Variants in PRKD1 observed in about 807,000 individuals in gnomAD.
PRKD1 encodes the protein serine/threonine-protein kinase D1.
PRKD1 carries 63 observed loss-of-function variants against 95.9 expected under a neutral mutation model. The observed-to-expected ratio is 0.66, with a 90% confidence interval of 0.54 to 0.81. The LOEUF is 0.81. Among genes scored for constraint, PRKD1 ranks in the 30% least tolerant of loss-of-function variants. The pLI is 0.00. For missense variants in PRKD1, 1,048 were observed against 1,165.3 expected (o/e 0.90, Z 1.47); for synonymous variants, 425 against 423.1 (o/e 1.00, Z -0.05).
chr14:29,730,287 G>A (rs1288851841), intron 1 of PRKD1, among the ~76,000 whole-genome samples: 1 of 151,984 alleles, frequency 6.6e-6, no homozygotes, highest in Non-Finnish European at 1.5e-5. Flanking sequence ...TCACCATTCA[G>A]AGAAGTGCAA....
chr14:29,826,760 T>TATATATATACAC (rs1566622705), intron 1 of PRKD1, among the ~76,000 whole-genome samples: 1 of 39,128 alleles, frequency 2.6e-5, no homozygotes, highest in Admixed American at 3.8e-4. Flanking sequence ...TATATATACA[T>TATATATATACAC]ATATATATAC....
At chr14:29,626,610 C>A in intron 11 of PRKD1, 54 bp from the exon 12 acceptor site, 3 of 1,117,470 alleles carry the variant, frequency 2.7e-6, no homozygotes, top group East Asian at 2.6e-5. Flanking sequence ...AAACATTAGT[C>A]CTAAAAATTA....
At chr14:29,597,233 T>A (rs1467762744) in intron 16 of PRKD1, among the ~76,000 whole-genome samples, 3 of 152,144 alleles carry the variant, frequency 2.0e-5, no homozygotes, top group Admixed American at 2.0e-4. Context: ...TATTAAGGTA[T>A]AAGTATTTAT....
chr14:29,711,882 G>A (rs573163530), intron 2 of PRKD1, among the ~76,000 whole-genome samples: 1 of 152,118 alleles, frequency 6.6e-6, no homozygotes, highest in African/African-American at 2.4e-5. Context: ...ATTGTTTACT[G>A]GTCAGTTCTC....
At chr14:29,724,447 G>A (rs1364608923) in intron 2 of PRKD1, among the ~76,000 whole-genome samples, 1 of 152,082 alleles carries the variant, frequency 6.6e-6, no homozygotes, top group African/African-American at 2.4e-5. Flanking sequence ...GAGGTCAGGT[G>A]CAGGCAACAG....
intron 16 of PRKD1, among the ~76,000 whole-genome samples, chr14:29,589,584 T>C (rs992790557): frequency 6.6e-6 from 1 of 152,118 alleles, no homozygotes; most frequent in African/African-American, 2.4e-5. Flanking sequence ...GAAAAAGAAC[T>C]GTAATCCACA....
At position 29,641,038 on chromosome 14, in the gene PRKD1, T is replaced by C. The variant is rs545426165; in HGVS notation, c.697-2134A>G. Among the ~76,000 whole-genome samples, 4 of 151,994 alleles carry C rather than the reference T, an allele frequency of 2.6e-5. No individual in the cohort carries two copies. The South Asian group carries it at 6.2e-4, about 24-fold the overall frequency. On this transcript the variant is annotated intron_variant, in intron 4 of 17. Transcript: ENST00000331968. ...AACTATAATTATTTTTGAGAGGTTATTTCATTTATTACCTTCAAGGGCAAG... is the reference window on the plus strand; with the variant it reads ...AACTATAATTATTTTTGAGAGGTTACTTCATTTATTACCTTCAAGGGCAAG...
At chr14:29,696,441 A>C (rs1169743880) in intron 2 of PRKD1, among the ~76,000 whole-genome samples, 8 of 152,186 alleles carry the variant, frequency 5.3e-5, no homozygotes, top group Admixed American at 5.2e-4. Flanking sequence ...ACTAGAGCTG[A>C]TTCCTATGTT....
intron 1 of PRKD1, among the ~76,000 whole-genome samples, chr14:29,728,067 G>A (rs1214351521): frequency 6.6e-6 from 1 of 152,042 alleles, no homozygotes; most frequent in East Asian, 1.9e-4. Context: ...GCTAGATGAC[G>A]AGTTAGTGGG....
intron 1 of PRKD1, among the ~76,000 whole-genome samples, chr14:29,853,769 G>A (rs1043532185): frequency 5.3e-5 from 8 of 152,308 alleles, no homozygotes; most frequent in African/African-American, 1.9e-4. Context: ...GTTGTGGGAG[G>A]GACCTGGTGG....
intron 1 of PRKD1, among the ~76,000 whole-genome samples, chr14:29,890,234 G>T (rs1893892615): frequency 6.6e-6 from 1 of 152,120 alleles, no homozygotes; most frequent in Admixed American, 6.5e-5. Flanking sequence ...CATTTTATTT[G>T]TTTTCTCACT....
At chr14:29,837,030 T>C (rs1594564381) in intron 1 of PRKD1, among the ~76,000 whole-genome samples, 1 of 152,290 alleles carries the variant, frequency 6.6e-6, no homozygotes, top group African/African-American at 2.4e-5. Flanking sequence ...AATAATTCCA[T>C]ATACTTCCTT....
rs112483534 is a variant in PRKD1, at chr14:29,633,002, T to C, written c.1315-56A>G. The C allele has an allele frequency of 5.3e-4, 779 of 1,466,934 alleles. 3 individuals are homozygous for C. In the African/African-American group the frequency reaches 7.2e-3, roughly 14 times the overall value. The allele number at this position is 1,466,934 out of a possible 1,614,324, so 90.9% of individuals were successfully genotyped here. A position where few individuals can be genotyped will look rare whatever the true frequency, so the allele number is the denominator to read the frequency against. ...TAAAAAACTTTAAAAATATCCCCAA[T>C]TGAAAACATAAATAGATTTCCCCAA... On this transcript the variant is annotated intron_variant, in intron 8 of 17. Coordinates refer to ENST00000331968, the MANE Select transcript of PRKD1 (RefSeq NM_002742.3).
At chr14:29,725,760 T>A (rs1235045443) in intron 1 of PRKD1, 86 bp from the exon 2 acceptor site, 6 of 1,416,792 alleles carry the variant, frequency 4.2e-6, no homozygotes, top group Non-Finnish European at 5.7e-6. Context: ...AAATACAAGC[T>A]AATTAGAAAA....
chr14:29,777,470 C>CA lies in PRKD1; in HGVS notation c.265-51797dup, dbSNP rs971495951. On this transcript the variant is annotated intron_variant, in intron 1 of 17. Coordinates refer to ENST00000331968, the MANE Select transcript of PRKD1 (RefSeq NM_002742.3). ...GAAGATCTACCAAGCAAATGGAAAACAAAAAAAAGCAGGGGTTGCAATCCT... is the reference window on the plus strand; with the variant it reads ...GAAGATCTACCAAGCAAATGGAAAACAAAAAAAAAGCAGGGGTTGCAATCCT... 2.2e-4 allele frequency among the ~76,000 whole-genome samples: 33 copies of CA among 151,336 alleles called. 1 individual carries two copies. The highest frequency in any genetic ancestry group is 3.1e-4 in the Non-Finnish European group (21 of 67,750).
At chr14:29,806,085 G>C (rs1366242412) in intron 1 of PRKD1, among the ~76,000 whole-genome samples, 2 of 152,086 alleles carry the variant, frequency 1.3e-5, no homozygotes, top group Admixed American at 6.5e-5. Flanking sequence ...GCCCAGGAGA[G>C]GAAAGCAAGG....
chr14:29,903,596 T>C (rs951776776), intron 1 of PRKD1, among the ~76,000 whole-genome samples: 4 of 152,180 alleles, frequency 2.6e-5, no homozygotes, highest in African/African-American at 9.6e-5. Flanking sequence ...GAGAGTACTA[T>C]TCCAACATCC....
At chr14:29,817,849 T>C (rs1430442559) in intron 1 of PRKD1, among the ~76,000 whole-genome samples, 1 of 152,090 alleles carries the variant, frequency 6.6e-6, no homozygotes, top group Non-Finnish European at 1.5e-5. Context: ...CAAAGGAAAA[T>C]AAAATTGTAT....
At chr14:29,901,286 T>A (rs978828547) in intron 1 of PRKD1, among the ~76,000 whole-genome samples, 4 of 152,070 alleles carry the variant, frequency 2.6e-5, no homozygotes, top group Non-Finnish European at 5.9e-5. Context: ...GAGCTAAGCA[T>A]TAAACACACA....
Sources: gnomAD v4.1 joint callset for allele counts (sites outside exome capture counted in the v4.1 genomes callset) on GRCh38, gnomAD v4.1.1 for gene constraint, MANE v1.5 for transcripts, NCBI Gene and HGNC (gene_info 2026-07-23, HGNC 2026-07-21) for gene names.